The following TRHR variants were observed in gnomAD, a reference collection of about 807,000 sequenced individuals.
The protein encoded by TRHR is thyrotropin-releasing hormone receptor.
TRHR carries 14 observed loss-of-function variants against 28.0 expected under a neutral mutation model. The ratio of observed to expected loss-of-function variants is 0.50; its 90% CI spans 0.33 to 0.78. The LOEUF (loss-of-function observed/expected upper bound fraction) is 0.78. Among genes scored for constraint, TRHR ranks in the 30% least tolerant of loss-of-function variants. The pLI, the probability that TRHR is intolerant of heterozygous loss-of-function variation, is 0.02. For synonymous variants in TRHR, 176 were observed against 171.9 expected (o/e 1.02, Z -0.18); for missense variants, 438 against 469.5 (o/e 0.93, Z 0.62).
chr8:109,116,966 G>T (rs1157925160), intron 2 of TRHR, among the ~76,000 whole-genome samples: 2 of 152,116 alleles, frequency 1.3e-5, no homozygotes, highest in Non-Finnish European at 2.9e-5. Flanking sequence ...CTTGAAACAG[G>T]TTGCTCTTCT....
At chr8:109,099,644 T>G (rs993887386) in intron 2 of TRHR, among the ~76,000 whole-genome samples, 10 of 152,210 alleles carry the variant, frequency 6.6e-5, no homozygotes, top group African/African-American at 2.4e-4. Context: ...CAAGGCCACA[T>G]ACATATGCAC....
At position 109,087,425 on chromosome 8, in the gene TRHR, G is replaced by C; in HGVS notation, c.-88G>C. 7.1e-7 allele frequency: 1 copy of C among 1,409,284 alleles called. No individual in the cohort carries two copies. The highest frequency in any genetic ancestry group is 1.2e-5 in the South Asian group (1 of 85,358). 87.3% of individuals were successfully genotyped at this position (1,409,284 alleles called of 1,614,324 possible). On this transcript the variant is annotated splice_region_variant and 5_prime_UTR_variant, in exon 2 of 3. Coordinates refer to ENST00000518632, the MANE Select transcript of TRHR (RefSeq NM_003301.7). ...GAATATGTACTATGACCCTTCACAG[G>C]GGGATGGAACTGCTGCAATAAAGGT...
At chr8:109,116,418 A>G (rs966791663) in intron 2 of TRHR, among the ~76,000 whole-genome samples, 1 of 152,082 alleles carries the variant, frequency 6.6e-6, no homozygotes, top group African/African-American at 2.4e-5. Flanking sequence ...TTCGGCTGTG[A>G]ATCCTTCTGC....
In TRHR at chr8:109,087,755, C is replaced by T; in HGVS notation, c.243C>T (p.Pro81=). The part of the protein sequence containing the change: ...DLMVLVAAGL[P]NITDSIYGSW... ...TGGTCTTGGTGGCCGCAGGCCTCCC[C>T]AACATAACAGACAGTATCTACGGTT... Residue 81 remains proline, a synonymous_variant, in exon 2 of 3, where the codon CCC becomes CCT. Transcript: ENST00000518632. 6.2e-7 allele frequency: 1 copy of T among 1,614,124 alleles called. No homozygotes were observed. The highest frequency in any genetic ancestry group is 8.5e-7 in the Non-Finnish European group (1 of 1,180,032).
intron 2 of TRHR, among the ~76,000 whole-genome samples, chr8:109,100,774 C>T (rs12544462): frequency 0.3 from 45,315 of 151,754 alleles, 7,298 homozygotes; most frequent in East Asian, 0.47. Context: ...TGTGGAGAGG[C>T]GGGCACCAGA....
intron 2 of TRHR, among the ~76,000 whole-genome samples, chr8:109,117,257 C>A (rs1196037093): frequency 6.6e-6 from 1 of 151,854 alleles, no homozygotes; most frequent in African/African-American, 2.4e-5. Context: ...GGAGCATGAC[C>A]TTTGTCTTAA....
chr8:109,109,677 G>T (rs114402189), intron 2 of TRHR, among the ~76,000 whole-genome samples: 12 of 152,180 alleles, frequency 7.9e-5, no homozygotes, highest in African/African-American at 2.9e-4. Context: ...AGAAAGCAAG[G>T]CTCACTATCA....
intron 2 of TRHR, among the ~76,000 whole-genome samples, chr8:109,099,154 G>T (rs574302088): frequency 4.6e-5 from 7 of 152,316 alleles, no homozygotes; most frequent in African/African-American, 1.4e-4. Flanking sequence ...ATTACAGAGA[G>T]ACATCAAGAG....
At position 109,119,749 on chromosome 8, in the gene TRHR, T is replaced by C. The variant is rs960407594; in HGVS notation, c.*294T>C. On this transcript the variant is annotated 3_prime_UTR_variant, in exon 3 of 3. Transcript: ENST00000518632. ...AAATTCACTATATTTTCTGGACTTA[T>C]AGAGTTTCAATAAAATCTAGACATC... is the stretch of plus-strand genomic sequence containing the variant. Among the ~76,000 whole-genome samples the C allele has an allele frequency of 9.2e-5, 14 of 151,974 alleles. No individual in the cohort carries two copies. The highest frequency in any genetic ancestry group is 2.2e-4 in the African/African-American group (9 of 41,418).
intron 2 of TRHR, among the ~76,000 whole-genome samples, chr8:109,107,850 A>C (rs1811774541): frequency 6.6e-6 from 1 of 152,204 alleles, no homozygotes; most frequent in South Asian, 2.1e-4. Context: ...CATTAAATGC[A>C]GACATTAAGG....
intron 2 of TRHR, among the ~76,000 whole-genome samples, chr8:109,089,182 C>G (rs1252741119): frequency 6.6e-6 from 1 of 151,968 alleles, no homozygotes; most frequent in African/African-American, 2.4e-5. Flanking sequence ...AGGTTACTGA[C>G]AAACTTAGCT....
chr8:109,089,865 C>T (rs1432120595), intron 2 of TRHR, among the ~76,000 whole-genome samples: 1 of 152,194 alleles, frequency 6.6e-6, no homozygotes, highest in African/African-American at 2.4e-5. Context: ...TCATTAGACT[C>T]CAATTTGCAT....
At chr8:109,105,587 T>A (rs573936171) in intron 2 of TRHR, among the ~76,000 whole-genome samples, 3 of 152,206 alleles carry the variant, frequency 2.0e-5, no homozygotes, top group Admixed American at 6.5e-5. Context: ...CAAATGCCCA[T>A]ATTATATCAA....
chr8:109,118,371 A>G (rs570935730), intron 2 of TRHR, among the ~76,000 whole-genome samples: 11 of 152,032 alleles, frequency 7.2e-5, no homozygotes, highest in African/African-American at 2.4e-4. Context: ...CTGTTACCTC[A>G]TTTGATTTAG....
In TRHR at chr8:109,094,420, C is replaced by A. The variant is rs542799701; in HGVS notation, c.789+6119C>A. ...GTGCACACTGCTGCGCCCAGCTTAT[C>A]TTTCATTTTTAATTGTATTATTTAT... On this transcript the variant is annotated intron_variant, in intron 2 of 2. Coordinates refer to ENST00000518632, the MANE Select transcript of TRHR (RefSeq NM_003301.7). Among the ~76,000 whole-genome samples, 12 of 152,010 alleles carry A rather than the reference C, an allele frequency of 7.9e-5. No individual in the cohort carries two copies. In the East Asian group the frequency reaches 2.3e-3, roughly 29 times the overall value.
At chr8:109,099,791 A>G (rs1811648974) in intron 2 of TRHR, among the ~76,000 whole-genome samples, 1 of 152,232 alleles carries the variant, frequency 6.6e-6, no homozygotes, top group South Asian at 2.1e-4. Flanking sequence ...CCTTGGATAG[A>G]TTGCTCTGAA....
At chr8:109,112,567 T>TA (rs1811851181) in intron 2 of TRHR, among the ~76,000 whole-genome samples, 1 of 152,216 alleles carries the variant, frequency 6.6e-6, no homozygotes, top group African/African-American at 2.4e-5. Flanking sequence ...TCTCCCTTGT[T>TA]ACGAAATCTT....
At chr8:109,118,674 C>G (rs1033149323) in intron 2 of TRHR, among the ~76,000 whole-genome samples, 1 of 151,822 alleles carries the variant, frequency 6.6e-6, no homozygotes, top group African/African-American at 2.4e-5. Context: ...AGTTTTCAGG[C>G]AAGAGAATCC....
At chr8:109,097,486 A>G (rs939994430) in intron 2 of TRHR, among the ~76,000 whole-genome samples, 1 of 152,210 alleles carries the variant, frequency 6.6e-6, no homozygotes, top group African/African-American at 2.4e-5. Context: ...GTCTAAAAAG[A>G]ACCAATAATA....
Sources: allele counts gnomAD v4.1 joint callset (sites outside exome capture counted in the v4.1 genomes callset), GRCh38; gene constraint gnomAD v4.1.1; transcripts MANE v1.5; gene names NCBI Gene and HGNC (gene_info 2026-07-23, HGNC 2026-07-21).